HEXD: variants seen among roughly 807,000 people sequenced by gnomAD.
HEXD encodes the protein hexosaminidase D.
A neutral mutation model predicts 54.2 loss-of-function variants in HEXD; 47 were observed. That is an observed-to-expected ratio of 0.87 (90% CI 0.69 to 1.11). The LOEUF (loss-of-function observed/expected upper bound fraction) is 1.11. Among genes scored for constraint, HEXD ranks in the 50% least tolerant of loss-of-function variants. The probability of loss-of-function intolerance (pLI) is 0.00; values close to 1 mark genes in which losing one functional copy is unlikely to be tolerated. For missense variants in HEXD, 576 were observed against 649.2 expected, an observed-to-expected ratio of 0.89 and a Z score of 1.23; for synonymous variants, 293 against 287.6, an observed-to-expected ratio of 1.02 and a Z score of -0.19.
chr17:82,419,618 TA>T, intron 1 of HEXD, 130 bp from the exon 2 acceptor site: 1 of 502,532 alleles, frequency 2.0e-6, no homozygotes, highest in South Asian at 3.1e-5. Flanking sequence ...ATTTTCATGT[TA>T]GCAAAATGAG....
In HEXD at chr17:82,433,702, C is replaced by T; in HGVS notation, c.327C>T (p.Gly109=). The T allele has an allele frequency of 1.9e-6, 3 of 1,611,164 alleles. No individual in the cohort carries two copies. Among genetic ancestry groups the T allele is most frequent in the African/African-American group, 2.7e-5 (2 of 74,872 alleles). Residue 109 remains glycine, a synonymous_variant, in exon 5 of 13, where the codon GGC becomes GGT. Coordinates refer to ENST00000327949, the MANE Select transcript of HEXD (RefSeq NM_001330542.2). ...CCTTCGCCCACCTGCGGGAGGTGGG[C>T]TCCTTCCCCTGCACCCTGAACCCCC... ...HTAFAHLREV[G]SFPCTLNPHE... is the part of the protein sequence containing the mutation.
intron 3 of HEXD, among the ~76,000 whole-genome samples, chr17:82,427,867 T>C (rs1020530061): frequency 6.6e-6 from 1 of 152,200 alleles, no homozygotes; most frequent in Non-Finnish European, 1.5e-5. Flanking sequence ...CTTCCCAGGA[T>C]GTGGCCCTTC....
At chr17:82,422,518 G>A (rs1473505048) in intron 2 of HEXD, among the ~76,000 whole-genome samples, 2 of 151,282 alleles carry the variant, frequency 1.3e-5, no homozygotes, top group African/African-American at 2.4e-5. Context: ...GCCCAGAAAT[G>A]TGGTAATCAG....
rs2053877785 is a variant in HEXD at position 82,439,824 on chromosome 17, T to C, written c.982+111T>C. 2.5e-6 allele frequency: 4 copies of C among 1,582,770 alleles called. No homozygotes were observed. The South Asian group carries it at 3.4e-5, about 13-fold the overall frequency. On this transcript the variant is annotated intron_variant, in intron 9 of 12. Transcript: ENST00000327949. ...CCACCCTGCTGGACTGTGGTGGTCCTCACAGTCGGAGGATGGTCTCACCGC... is the reference window on the plus strand; with the variant it reads ...CCACCCTGCTGGACTGTGGTGGTCCCCACAGTCGGAGGATGGTCTCACCGC...
At chr17:82,437,480 G>A in intron 8 of HEXD, 117 bp downstream of exon 8, 1 of 923,586 alleles carries the variant, frequency 1.1e-6, no homozygotes. Flanking sequence ...AAGCAGCCCG[G>A]GCCTCCAAGA....
At chr17:82,430,697 C>A (rs2053551498) in intron 4 of HEXD, among the ~76,000 whole-genome samples, 1 of 152,074 alleles carries the variant, frequency 6.6e-6, no homozygotes, top group South Asian at 2.1e-4. Context: ...CCCAGTATAC[C>A]CTCTTGGTAT....
At position 82,442,308 on chromosome 17, in the gene HEXD, T is replaced by C. The variant is rs774208435; in HGVS notation, c.1385T>C (p.Leu462Pro). The change falls in exon 13 of 13, where the codon CTG becomes CCG. Residue 462 changes from leucine (L) to proline (P), a missense_variant. By Grantham distance (98) the Leu-to-Pro change is moderately conservative. Coordinates refer to ENST00000327949, the MANE Select transcript of HEXD (RefSeq NM_001330542.2). This position sits in a 1 kb window ranked among gnomAD's most constrained non-coding sequence, Gnocchi z 6.8. ...AGCCTGCAGCGGCTGCAAGCTCTGC[T>C]GCAGGACCTCAGCGAGGTGTCTGCC... Reference protein sequence around the residue: ...HPSLQRLQALLQDLSEVSAPP... With the variant: ...HPSLQRLQALPQDLSEVSAPP... 1 of 1,609,752 alleles carries C rather than the reference T, an allele frequency of 6.2e-7. No homozygotes were observed. The highest frequency in any genetic ancestry group is 8.5e-7 in the Non-Finnish European group (1 of 1,179,928).
chr17:82,418,953 A>G (rs1010624824), intron 1 of HEXD, among the ~76,000 whole-genome samples: 2 of 152,210 alleles, frequency 1.3e-5, no homozygotes, highest in Non-Finnish European at 2.9e-5. Flanking sequence ...GTATGTACAA[A>G]CTGAAAGTGC....
Position 82,419,716 on chromosome 17 carries a change from C to T in HEXD, c.-51-33C>T, listed in dbSNP as rs1331658583. The T allele has an allele frequency of 5.0e-6, 4 of 799,444 alleles. No homozygotes were observed. In the African/African-American group the frequency reaches 5.3e-5, roughly 11 times the overall value. 49.5% of individuals were successfully genotyped at this position (799,444 alleles called of 1,614,324 possible). A position where few individuals can be genotyped will look rare whatever the true frequency, so the allele number is the denominator to read the frequency against. On this transcript the variant is annotated intron_variant, in intron 1 of 12. Coordinates refer to ENST00000327949, the MANE Select transcript of HEXD (RefSeq NM_001330542.2). ...AGAAAGGCAAAGGGAGAAGCTTCTG[C>T]CCCTGTTGATAACTCTTGATTTTCT...
chr17:82,427,345 T>C (rs2053446227), intron 3 of HEXD: 1 of 152,034 alleles, frequency 6.6e-6, no homozygotes, highest in Non-Finnish European at 1.5e-5. Context: ...GTAAAGACTG[T>C]GTTGATGAGA....
intron 4 of HEXD, 41 bp from the exon 5 acceptor site, chr17:82,433,617 G>C: frequency 6.7e-7 from 1 of 1,500,378 alleles, no homozygotes; most frequent in Non-Finnish European, 8.8e-7. Flanking sequence ...GATCAGTCCA[G>C]CTCCTCCGCC....
At position 82,433,822 on chromosome 17, in the gene HEXD, G is replaced by C. The variant is rs1205869711; in HGVS notation, c.447G>C (p.Glu149Asp). The C allele has an allele frequency of 1.2e-6, 2 of 1,610,738 alleles. No homozygotes were observed. The highest frequency in any genetic ancestry group is 1.3e-5 in the African/African-American group (1 of 74,910). The change falls in exon 5 of 13, where the codon GAG becomes GAC. Residue 149 changes from glutamate to aspartate, a missense_variant and splice_region_variant. Coordinates refer to ENST00000327949, the MANE Select transcript of HEXD (RefSeq NM_001330542.2). ...AGCGGCTGCACATCGGGTGTGATGAGGTGGGTACTGTCACCCCAGCTCTGT... is the reference window on the plus strand; with the variant it reads ...AGCGGCTGCACATCGGGTGTGATGACGTGGGTACTGTCACCCCAGCTCTGT... Reference protein sequence around the residue: ...GAQRLHIGCDEVYYLGEGEAS... With the variant: ...GAQRLHIGCDDVYYLGEGEAS...
chr17:82,422,405 G>C (rs142537924), intron 2 of HEXD, among the ~76,000 whole-genome samples: 1,703 of 152,004 alleles, frequency 0.011, 21 homozygotes, highest in Middle Eastern at 0.024. Flanking sequence ...GCTGAGGCAT[G>C]AGAATCACCT....
At position 82,441,890 on chromosome 17, in the gene HEXD, G is replaced by T; in HGVS notation, c.1253+1G>T. 4.3e-6 allele frequency: 7 copies of T among 1,612,902 alleles called. No homozygotes were observed. The highest frequency in any genetic ancestry group is 5.9e-6 in the Non-Finnish European group (7 of 1,179,866). On this transcript the variant is annotated splice_donor_variant, in intron 12 of 12. Coordinates refer to ENST00000327949, the MANE Select transcript of HEXD (RefSeq NM_001330542.2). LOFTEE classifies it high-confidence loss of function. ...AGCACATCCAGCCCGCAGCGCTCAG[G>T]TGAGGCCCTGGGCTCTTATAGGCCG... is the stretch of plus-strand genomic sequence containing the variant.
Position 82,424,499 on chromosome 17 carries a change from T to C in HEXD, c.190T>C (p.Tyr64His). 1.2e-6 allele frequency: 2 copies of C among 1,607,746 alleles called. No individual in the cohort carries two copies. Among genetic ancestry groups the C allele is most frequent in the Non-Finnish European group, 1.7e-6 (2 of 1,174,412 alleles). Residue 64 changes from tyrosine to histidine, a missense_variant, in exon 3 of 13, where the codon TAC (tyrosine) becomes CAC (histidine). Physicochemically the swap from Tyr to His is moderately conservative, Grantham distance 83 (BLOSUM62 2). Transcript: ENST00000327949. ...GAGGCTGCTGAGGGCCAAGTACGCC[T>C]ACAGGTAACACTGCCCGTGGCAGGT... Reference protein sequence around the residue: ...PLRLLRAKYAYSPSEIKEILH... With the variant: ...PLRLLRAKYAHSPSEIKEILH...
In HEXD at chr17:82,434,433, A is replaced by C. The variant is rs114011870; in HGVS notation, c.447+611A>C. On this transcript the variant is annotated intron_variant, in intron 5 of 12. Coordinates refer to ENST00000327949, the MANE Select transcript of HEXD (RefSeq NM_001330542.2). The surrounding 1 kb of genome is among the most constrained non-coding windows in gnomAD (Gnocchi z 4.5). ...TGCCCACGGGGCTGGGAGGTTCTGC[A>C]GGGCTGTGGCTCACAGGGAACCCGA... is the stretch of plus-strand genomic sequence containing the variant. Among the ~76,000 whole-genome samples, 2,427 of 152,322 alleles carry C rather than the reference A, an allele frequency of 0.016. 67 individuals are homozygous for C. The highest frequency in any genetic ancestry group is 0.056 in the African/African-American group (2,331 of 41,576).
intron 9 of HEXD, 184 bp downstream of exon 9, chr17:82,439,897 G>A (rs2053880505): frequency 2.0e-6 from 3 of 1,530,134 alleles, no homozygotes; most frequent in Non-Finnish European, 2.6e-6. Flanking sequence ...GGCTGGGCCT[G>A]TGTCTGGGTC....
chr17:82,431,649 T>C (rs113835950), intron 4 of HEXD, among the ~76,000 whole-genome samples: 1 of 152,190 alleles, frequency 6.6e-6, no homozygotes, highest in African/African-American at 2.4e-5. Flanking sequence ...ACTCCTGACC[T>C]GAAGTGATCT....
chr17:82,437,922 G>C (rs1567895084), intron 8 of HEXD, among the ~76,000 whole-genome samples: 1 of 152,148 alleles, frequency 6.6e-6, no homozygotes, highest in South Asian at 2.1e-4. Flanking sequence ...CCTGTGGGTG[G>C]GCCAATAGTG....
Sources: gnomAD v4.1 joint callset for allele counts (sites outside exome capture counted in the v4.1 genomes callset) on GRCh38, gnomAD v4.1.1 for gene constraint, Gnocchi (gnomAD v3.1) non-coding constraint, MANE v1.5 for transcripts, NCBI Gene and HGNC (gene_info 2026-07-23, HGNC 2026-07-21) for gene names.